Variants in NUBPL observed in about 807,000 individuals in gnomAD.
NUBPL encodes NUBP iron-sulfur cluster assembly factor, mitochondrial.
In NUBPL, 31 loss-of-function variants were observed where a neutral mutation model predicts 45.7. That is an observed-to-expected ratio of 0.68 (90% confidence interval 0.51 to 0.92). NUBPL has a LOEUF of 0.92. Ranked by LOEUF, NUBPL falls within the 40% of genes least tolerant of loss-of-function variation. NUBPL has a pLI of 0.00. For synonymous variants in NUBPL, 144 were observed against 140.9 expected, an observed-to-expected ratio of 1.02 and a Z score of -0.15; for missense variants, 401 against 398.7, an observed-to-expected ratio of 1.01 and a Z score of -0.05.
intron 7 of NUBPL, among the ~76,000 whole-genome samples, chr14:31,792,660 T>G (rs114653588): frequency 9.3e-5 from 14 of 151,320 alleles, no homozygotes; most frequent in African/African-American, 2.9e-4. Context: ...ATTTTATAAT[T>G]ATAAAAAATA....
In NUBPL at chr14:31,851,958, A is replaced by G. The variant is rs61996374; in HGVS notation, c.897+1757A>G. Among the ~76,000 whole-genome samples the G allele has an allele frequency of 3.8e-3, 584 of 152,356 alleles. 2 individuals carry two copies. The highest frequency in any genetic ancestry group is 6.2e-3 in the Non-Finnish European group (422 of 68,032). ...TTCATTGAAGTTAGAGGAATGTAAT[A>G]TAACAGAGAACATATAGCCACCATC... On this transcript the variant is annotated intron_variant, in intron 10 of 10. Coordinates refer to ENST00000281081, the MANE Select transcript of NUBPL (RefSeq NM_025152.3).
intron 8 of NUBPL, chr14:31,846,202 A>C (rs183097248): frequency 2.5e-6 from 1 of 406,446 alleles, no homozygotes; most frequent in Admixed American, 3.6e-5. Context: ...TGGGAAACTC[A>C]AAGATTTCTC....
chr14:31,739,681 G>A (rs1387137359), intron 6 of NUBPL, among the ~76,000 whole-genome samples: 1 of 152,026 alleles, frequency 6.6e-6, no homozygotes, highest in Non-Finnish European at 1.5e-5. Flanking sequence ...CCCTGAATCT[G>A]TAGTTTACAT....
intron 7 of NUBPL, among the ~76,000 whole-genome samples, chr14:31,809,102 G>A (rs528774367): frequency 6.6e-6 from 1 of 152,262 alleles, no homozygotes; most frequent in East Asian, 1.9e-4. Flanking sequence ...TCTCTGCCAG[G>A]TTTTGGTATC....
Position 31,689,405 on chromosome 14 carries a change from A to T in NUBPL, c.513+15831A>T, listed in dbSNP as rs8013556. Among the ~76,000 whole-genome samples, 29 of 152,324 alleles carry T rather than the reference A, an allele frequency of 1.9e-4. No homozygotes were observed. In the East Asian group the frequency reaches 4.8e-3, roughly 25 times the overall value. ...CTGTCTCATTGTGGTTTTGATTTGCATTTCCTTAATGATCAGTGATGTTGA... is the reference window on the plus strand; with the variant it reads ...CTGTCTCATTGTGGTTTTGATTTGCTTTTCCTTAATGATCAGTGATGTTGA... On this transcript the variant is annotated intron_variant, in intron 6 of 10. Transcript: ENST00000281081.
At chr14:31,813,866 C>T (rs540968257) in intron 7 of NUBPL, among the ~76,000 whole-genome samples, 1 of 152,292 alleles carries the variant, frequency 6.6e-6, no homozygotes, top group Admixed American at 6.5e-5. Flanking sequence ...AACATGAACT[C>T]ATCCTTTTTT....
intron 6 of NUBPL, among the ~76,000 whole-genome samples, chr14:31,715,062 A>G (rs1002624921): frequency 2.0e-5 from 3 of 152,202 alleles, no homozygotes; most frequent in Non-Finnish European, 4.4e-5. Context: ...GTTTATATTC[A>G]GCTCTACCAT....
intron 4 of NUBPL, among the ~76,000 whole-genome samples, chr14:31,661,565 G>A (rs550196975): frequency 7.2e-5 from 11 of 152,228 alleles, no homozygotes; most frequent in African/African-American, 1.7e-4. Flanking sequence ...TCTCCGAGAC[G>A]GAGTCTCGCA....
intron 3 of NUBPL, among the ~76,000 whole-genome samples, chr14:31,570,557 A>G (rs2033554717): frequency 6.6e-6 from 1 of 152,208 alleles, no homozygotes; most frequent in Admixed American, 6.5e-5. Context: ...TGCAATCCAC[A>G]TAGTATTTAT....
Position 31,607,088 on chromosome 14 carries a change from C to T in NUBPL, c.382+7709C>T, listed in dbSNP as rs113845143. On this transcript the variant is annotated intron_variant, in intron 4 of 10. Transcript: ENST00000281081. Reference sequence around the variant, plus strand: ...CCTTCTCTAATTTTCAGTTTAGAAACTTAACTAGCTGGCTGGGCACAGTGG... The same window carrying T: ...CCTTCTCTAATTTTCAGTTTAGAAATTTAACTAGCTGGCTGGGCACAGTGG... Among the ~76,000 whole-genome samples, 27 of 152,106 alleles carry T rather than the reference C, an allele frequency of 1.8e-4. 1 individual carries two copies. Among genetic ancestry groups the T allele is most frequent in the African/African-American group, 5.8e-4 (24 of 41,510 alleles).
intron 6 of NUBPL, among the ~76,000 whole-genome samples, chr14:31,735,785 G>C (rs1380695735): frequency 6.6e-6 from 1 of 152,150 alleles, no homozygotes; most frequent in African/African-American, 2.4e-5. Flanking sequence ...CTGGCAGGTG[G>C]AAGTTGCAGT....
At chr14:31,805,180 A>G (rs1248437291) in intron 7 of NUBPL, among the ~76,000 whole-genome samples, 1 of 152,248 alleles carries the variant, frequency 6.6e-6, no homozygotes, top group East Asian at 1.9e-4. Context: ...ATCACTGATC[A>G]CTAGAGAAAT....
chr14:31,654,874 A>T (rs917695491), intron 4 of NUBPL, among the ~76,000 whole-genome samples: 2 of 152,238 alleles, frequency 1.3e-5, no homozygotes, highest in African/African-American at 4.8e-5. Context: ...TCACTGCTTT[A>T]TCAATTAAGT....
At chr14:31,602,829 G>A (rs4981106) in intron 4 of NUBPL, among the ~76,000 whole-genome samples, 46,825 of 151,946 alleles carry the variant, frequency 0.31, 7,777 homozygotes, top group South Asian at 0.41. Flanking sequence ...TATTTTCTCT[G>A]ATCAGATTTC....
rs1426760178 is a variant in NUBPL, at chr14:31,775,184, G to A, written c.514-12596G>A. ...TGTACTCCCAACACTTTGGGAGGCC[G>A]AGGTGGGCGGATCACCTAAGGTCAG... On this transcript the variant is annotated intron_variant, in intron 6 of 10. Transcript: ENST00000281081. Among the ~76,000 whole-genome samples the A allele has an allele frequency of 2.6e-5, 4 of 152,164 alleles. No individual in the cohort carries two copies. The East Asian group carries it at 5.8e-4, about 22-fold the overall frequency.
intron 6 of NUBPL, among the ~76,000 whole-genome samples, chr14:31,781,464 A>G (rs960900348): frequency 1.3e-5 from 2 of 152,230 alleles, no homozygotes; most frequent in African/African-American, 4.8e-5. Context: ...CCTTCAAGAT[A>G]AATCTGAAAC....
At chr14:31,742,766 C>T (rs1188255128) in intron 6 of NUBPL, among the ~76,000 whole-genome samples, 1 of 127,586 alleles carries the variant, frequency 7.8e-6, no homozygotes, top group African/African-American at 3.6e-5. Context: ...ACCAACCCAG[C>T]TGATTTTTTT....
intron 7 of NUBPL, among the ~76,000 whole-genome samples, chr14:31,813,611 T>C (rs1394971548): frequency 6.6e-6 from 1 of 151,704 alleles, no homozygotes. Context: ...TAGATATACA[T>C]GTACCATGGT....
At chr14:31,659,614 A>C (rs905391099) in intron 4 of NUBPL, among the ~76,000 whole-genome samples, 1 of 152,198 alleles carries the variant, frequency 6.6e-6, no homozygotes, top group Non-Finnish European at 1.5e-5. Context: ...GTGAGATACC[A>C]AGTTTATATC....
Sources: gnomAD v4.1 joint callset for allele counts (sites outside exome capture counted in the v4.1 genomes callset) on GRCh38, gnomAD v4.1.1 for gene constraint, MANE v1.5 for transcripts, NCBI Gene and HGNC (gene_info 2026-07-23, HGNC 2026-07-21) for gene names.